Variants in KCNAB1 observed in about 807,000 individuals in gnomAD.
KCNAB1 encodes voltage-gated potassium channel subunit beta-1.
A neutral mutation model predicts 64.6 loss-of-function variants in KCNAB1; 35 were observed. That is an observed-to-expected ratio of 0.54 (90% CI 0.41 to 0.72). The LOEUF (loss-of-function observed/expected upper bound fraction) is 0.72, where lower values mean the gene tolerates loss of function less well. Ranked by LOEUF, KCNAB1 falls within the 30% of genes least tolerant of loss-of-function variation. The probability of loss-of-function intolerance (pLI) is 0.00; values close to 1 mark genes in which losing one functional copy is unlikely to be tolerated. For missense variants in KCNAB1, 401 were observed against 512.9 expected, an observed-to-expected ratio of 0.78 and a Z score of 2.11; for synonymous variants, 177 against 183.8, an observed-to-expected ratio of 0.96 and a Z score of 0.30.
At chr3:156,335,229 T>C (rs934378985) in intron 1 of KCNAB1, among the ~76,000 whole-genome samples, 76 of 152,234 alleles carry the variant, frequency 5.0e-4, no homozygotes, top group Non-Finnish European at 1.9e-4. Flanking sequence ...TTTTGCCTTA[T>C]TTTTTAGTCT....
At chr3:156,417,332 T>A (rs1226832325) in intron 1 of KCNAB1, among the ~76,000 whole-genome samples, 2 of 152,198 alleles carry the variant, frequency 1.3e-5, no homozygotes, top group African/African-American at 4.8e-5. Context: ...ATGATGTAAT[T>A]CTCTGACCAC....
intron 1 of KCNAB1, among the ~76,000 whole-genome samples, chr3:156,220,608 G>A (rs540351935): frequency 6.6e-6 from 1 of 152,184 alleles, no homozygotes; most frequent in South Asian, 2.1e-4. Context: ...TGTAGATTCT[G>A]GATATTAGCT....
At chr3:156,201,357 A>G (rs73012220) in intron 1 of KCNAB1, among the ~76,000 whole-genome samples, 2,273 of 152,338 alleles carry the variant, frequency 0.015, 71 homozygotes, top group African/African-American at 0.053. Flanking sequence ...GAAACCACAG[A>G]AAGTTCCCAT....
chr3:156,461,577 T>C (rs1576896831), intron 5 of KCNAB1, among the ~76,000 whole-genome samples: 1 of 152,294 alleles, frequency 6.6e-6, no homozygotes, highest in East Asian at 1.9e-4. Flanking sequence ...ACTTCTTCAA[T>C]TATAACAGAA....
chr3:156,431,823 G>C (rs906373021), intron 2 of KCNAB1, among the ~76,000 whole-genome samples: 12 of 152,226 alleles, frequency 7.9e-5, no homozygotes, highest in Non-Finnish European at 1.8e-4. Flanking sequence ...TGTGAATTCT[G>C]TGAGCTGCAG....
intron 1 of KCNAB1, among the ~76,000 whole-genome samples, chr3:156,283,727 C>T (rs569088529): frequency 0.096 from 14,318 of 148,764 alleles, 914 homozygotes; most frequent in Non-Finnish European, 0.13. Flanking sequence ...CATCTTCTAT[C>T]GCTGATACCC....
intron 7 of KCNAB1, 139 bp downstream of exon 7, chr3:156,465,825 G>A (rs930369841): frequency 1.4e-6 from 1 of 716,204 alleles, no homozygotes; most frequent in African/African-American, 1.8e-5. Flanking sequence ...GTTTCTTCTT[G>A]GGGTTAAATA....
intron 1 of KCNAB1, among the ~76,000 whole-genome samples, chr3:156,380,720 T>C (rs1712086506): frequency 6.6e-6 from 1 of 152,162 alleles, no homozygotes; most frequent in Admixed American, 6.5e-5. Context: ...AAAGGTAAAA[T>C]AACCTACTTT....
intron 1 of KCNAB1, among the ~76,000 whole-genome samples, chr3:156,138,993 A>G (rs1714535612): frequency 6.6e-6 from 1 of 152,162 alleles, no homozygotes; most frequent in Admixed American, 6.5e-5. Context: ...TCTGCTGACC[A>G]TGTGATTGCA....
At chr3:156,169,360 G>A (rs968876212) in intron 1 of KCNAB1, among the ~76,000 whole-genome samples, 6 of 152,192 alleles carry the variant, frequency 3.9e-5, no homozygotes, top group African/African-American at 1.4e-4. Flanking sequence ...GCAATGTTAT[G>A]TGGTGATTTT....
intron 8 of KCNAB1, among the ~76,000 whole-genome samples, chr3:156,497,009 T>G (rs960201716): frequency 3.9e-5 from 6 of 152,058 alleles, no homozygotes; most frequent in Non-Finnish European, 7.4e-5. Flanking sequence ...ACATATAGAG[T>G]GACAGATGCT....
intron 1 of KCNAB1, among the ~76,000 whole-genome samples, chr3:156,238,887 A>G (rs1717008027): frequency 6.6e-6 from 1 of 152,238 alleles, no homozygotes; most frequent in African/African-American, 2.4e-5. Context: ...AGAAATGTCT[A>G]CAACAATACT....
intron 1 of KCNAB1, among the ~76,000 whole-genome samples, chr3:156,381,571 A>G (rs534207311): frequency 5.3e-5 from 8 of 152,342 alleles, no homozygotes; most frequent in African/African-American, 1.4e-4. Context: ...TTTCTTTAAT[A>G]GGCTCTTCAG....
At chr3:156,463,869 T>G (rs1576899828) in intron 6 of KCNAB1, 123 bp downstream of exon 6, 1 of 670,672 alleles carries the variant, frequency 1.5e-6, no homozygotes, top group Middle Eastern at 3.5e-4. Flanking sequence ...TTTTGTTTTT[T>G]TTTTGTTTTT....
chr3:156,516,818 T>C (rs955393046), intron 11 of KCNAB1, among the ~76,000 whole-genome samples: 4 of 152,206 alleles, frequency 2.6e-5, no homozygotes, highest in Admixed American at 1.3e-4. Context: ...CTGAGTATGG[T>C]TGACACTTTT....
intron 12 of KCNAB1, among the ~76,000 whole-genome samples, chr3:156,531,110 C>T (rs988257121): frequency 2.0e-5 from 3 of 152,170 alleles, no homozygotes; most frequent in African/African-American, 7.2e-5. Context: ...AGCAGTGCAT[C>T]TGTGTTTTCT....
chr3:156,370,797 A>G (rs1344044318), intron 1 of KCNAB1, among the ~76,000 whole-genome samples: 1 of 152,230 alleles, frequency 6.6e-6, no homozygotes, highest in Admixed American at 6.5e-5. Context: ...GTGGGGTTTT[A>G]TTAAGGGCTC....
chr3:156,299,759 G>A (rs1721031733), intron 1 of KCNAB1, among the ~76,000 whole-genome samples: 1 of 152,100 alleles, frequency 6.6e-6, no homozygotes, highest in Admixed American at 6.5e-5. Context: ...GACTCTGAGA[G>A]CATTCACACA....
intron 1 of KCNAB1, among the ~76,000 whole-genome samples, chr3:156,326,292 A>T (rs902890129): frequency 6.6e-6 from 1 of 152,102 alleles, no homozygotes; most frequent in African/African-American, 2.4e-5. Flanking sequence ...TTTTCTCAGG[A>T]TATTCTAGCT....
Sources: gnomAD v4.1 joint callset for allele counts (sites outside exome capture counted in the v4.1 genomes callset) on GRCh38, gnomAD v4.1.1 for gene constraint, MANE v1.5 for transcripts, NCBI Gene and HGNC (gene_info 2026-07-23, HGNC 2026-07-21) for gene names.